The following IL20RB variants were observed in gnomAD, a reference collection of about 807,000 sequenced individuals.
IL20RB encodes interleukin-20 receptor subunit beta.
Under a neutral mutation model 33.3 loss-of-function variants are expected in IL20RB, and 21 were observed. That is an observed-to-expected ratio of 0.63 (90% confidence interval 0.45 to 0.91). The LOEUF is 0.91. Among genes scored for constraint, IL20RB ranks in the 40% least tolerant of loss-of-function variants. The pLI is 0.00. For missense variants in IL20RB, 345 were observed against 384.8 expected (o/e 0.90, Z 0.86); for synonymous variants, 147 against 146.8 (o/e 1.00, Z -0.01).
chr3:137,010,314 G>A lies in IL20RB; in HGVS notation c.*91G>A, dbSNP rs1382393185. On this transcript the variant is annotated 3_prime_UTR_variant, in exon 7 of 7. Coordinates refer to ENST00000329582, the MANE Select transcript of IL20RB (RefSeq NM_144717.4). ...AAGTTGTGTTTCTGTTTTCCGCCACGGACAAGGGATGAGAGAAGTAGGAAG... is the reference window on the plus strand; with the variant it reads ...AAGTTGTGTTTCTGTTTTCCGCCACAGACAAGGGATGAGAGAAGTAGGAAG... The A allele has an allele frequency of 8.2e-6, 6 of 730,468 alleles. No homozygotes were observed. Among genetic ancestry groups the A allele is most frequent in the South Asian group, 7.5e-5 (5 of 66,606 alleles). The allele number at this position is 730,468 out of a possible 1,614,324, so 45.2% of individuals were successfully genotyped here.
chr3:136,980,248 C>T (rs924795377), intron 1 of IL20RB: 7 of 539,198 alleles, frequency 1.3e-5, no homozygotes, highest in East Asian at 3.3e-5. Context: ...TTAACATAAG[C>T]ATGATAAAAT....
chr3:136,974,275 T>G (rs1404867342), intron 1 of IL20RB, among the ~76,000 whole-genome samples: 1 of 152,178 alleles, frequency 6.6e-6, no homozygotes, highest in Non-Finnish European at 1.5e-5. Context: ...TAAATGTTAT[T>G]ATTTCAATTT....
chr3:136,988,705 T>C (rs1941966597), intron 3 of IL20RB, among the ~76,000 whole-genome samples: 2 of 147,906 alleles, frequency 1.4e-5, no homozygotes, highest in South Asian at 4.4e-4. Flanking sequence ...ATAGTGCCAC[T>C]ATACACTCCA....
At chr3:136,988,356 G>C (rs1183786516) in intron 3 of IL20RB, among the ~76,000 whole-genome samples, 1 of 152,180 alleles carries the variant, frequency 6.6e-6, no homozygotes, top group Non-Finnish European at 1.5e-5. Flanking sequence ...ATCCACAAGG[G>C]CTGTGGGCCT....
intron 6 of IL20RB, among the ~76,000 whole-genome samples, chr3:136,997,576 T>C (rs1942155546): frequency 7.9e-6 from 1 of 126,028 alleles, no homozygotes. Flanking sequence ...TCAGTATATC[T>C]TTTTTTTTTT....
intron 1 of IL20RB, among the ~76,000 whole-genome samples, chr3:136,962,426 C>T (rs1018866951): frequency 4.6e-5 from 7 of 152,100 alleles, no homozygotes; most frequent in Non-Finnish European, 7.4e-5. Context: ...AACTGAGATA[C>T]GTTCTACAAA....
chr3:136,988,818 A>G lies in IL20RB; in HGVS notation c.407-623A>G, dbSNP rs148207842. 6.4e-4 allele frequency among the ~76,000 whole-genome samples: 97 copies of G among 152,224 alleles called. 1 individual carries two copies. The highest frequency in any genetic ancestry group is 2.2e-3 in the African/African-American group (93 of 41,534). ...AACTGGGCTGAGAATAGAATGGCCA[A>G]CCCTATTCACAGGCTGCTCATCTGC... On this transcript the variant is annotated intron_variant, in intron 3 of 6. Coordinates refer to ENST00000329582, the MANE Select transcript of IL20RB (RefSeq NM_144717.4).
chr3:136,995,682 G>A, intron 6 of IL20RB, 126 bp downstream of exon 6: 2 of 840,936 alleles, frequency 2.4e-6, no homozygotes, highest in South Asian at 2.0e-5. Context: ...ACAGAGAGGG[G>A]AGAGGAATAC....
chr3:137,001,961 TC>T (rs1383815832), intron 6 of IL20RB, among the ~76,000 whole-genome samples: 1 of 152,108 alleles, frequency 6.6e-6, no homozygotes. Context: ...TGTGTGATGT[TC>T]CCTGCACTGT....
intron 1 of IL20RB, among the ~76,000 whole-genome samples, chr3:136,973,736 G>A (rs1490399330): frequency 1.3e-5 from 2 of 151,872 alleles, no homozygotes; most frequent in African/African-American, 4.8e-5. Context: ...TAAGACTCTG[G>A]GTGCTCCAGT....
intron 2 of IL20RB, among the ~76,000 whole-genome samples, chr3:136,981,595 G>A (rs1941776907): frequency 6.6e-6 from 1 of 152,220 alleles, no homozygotes; most frequent in East Asian, 1.9e-4. Context: ...CCAGCCATGC[G>A]AACAGCAGGG....
intron 3 of IL20RB, among the ~76,000 whole-genome samples, chr3:136,988,701 C>T (rs1171587189): frequency 6.7e-6 from 1 of 148,272 alleles, no homozygotes; most frequent in Admixed American, 6.7e-5. Context: ...CATGATAGTG[C>T]CACTATACAC....
intron 6 of IL20RB, among the ~76,000 whole-genome samples, chr3:136,996,996 T>G (rs1942142915): frequency 1.3e-5 from 2 of 152,228 alleles, no homozygotes; most frequent in Admixed American, 1.3e-4. Flanking sequence ...TTCGTGGTAT[T>G]GTTCAGATCA....
intron 1 of IL20RB, among the ~76,000 whole-genome samples, chr3:136,960,738 A>C (rs961714003): frequency 6.6e-6 from 1 of 152,164 alleles, no homozygotes; most frequent in East Asian, 1.9e-4. Context: ...GGATTTGATG[A>C]TGGTTTGGTC....
In IL20RB at chr3:136,978,734, A is replaced by G. The variant is rs181044857; in HGVS notation, c.89-1732A>G. On this transcript the variant is annotated intron_variant, in intron 1 of 6. Transcript: ENST00000329582. ...CATGAGATATATTTTTATGTAGTTT[A>G]TGTATATATTTTCCTCATCTGATTT... is the stretch of plus-strand genomic sequence containing the variant. 1.8e-3 allele frequency among the ~76,000 whole-genome samples: 271 copies of G among 152,230 alleles called. 1 individual carries two copies. The highest frequency in any genetic ancestry group is 6.2e-3 in the African/African-American group (259 of 41,534).
intron 5 of IL20RB, among the ~76,000 whole-genome samples, chr3:136,993,779 G>A (rs1159286013): frequency 3.3e-5 from 5 of 152,110 alleles, no homozygotes; most frequent in East Asian, 1.9e-4. Context: ...TTGGGAGGCC[G>A]AGACAGGTGG....
intron 4 of IL20RB, among the ~76,000 whole-genome samples, chr3:136,990,279 G>T (rs1358183076): frequency 6.6e-6 from 1 of 152,098 alleles, no homozygotes; most frequent in African/African-American, 2.4e-5. Context: ...GGCAGCACAA[G>T]CAAAGATAGG....
chr3:136,985,049 T>A (rs2108202801), intron 3 of IL20RB, among the ~76,000 whole-genome samples: 1 of 152,082 alleles, frequency 6.6e-6, no homozygotes, highest in African/African-American at 2.4e-5. Context: ...CAAAACTATG[T>A]GGGTGGGGAT....
intron 6 of IL20RB, among the ~76,000 whole-genome samples, chr3:137,008,466 G>T (rs959990957): frequency 2.0e-5 from 3 of 152,296 alleles, no homozygotes; most frequent in African/African-American, 4.8e-5. Context: ...ATTTTTATGA[G>T]AAATCTCTTG....
Sources: allele counts gnomAD v4.1 joint callset (sites outside exome capture counted in the v4.1 genomes callset), GRCh38; gene constraint gnomAD v4.1.1; transcripts MANE v1.5; gene names NCBI Gene and HGNC (gene_info 2026-07-23, HGNC 2026-07-21).